The following ANXA10 variants were observed in gnomAD, a reference collection of about 807,000 sequenced individuals.
ANXA10 encodes the protein annexin A10.
A neutral mutation model predicts 53.5 loss-of-function variants in ANXA10; 49 were observed. The observed-to-expected ratio is 0.92, with a 90% CI of 0.73 to 1.16. The LOEUF is 1.16. ANXA10 is among the 50% of genes most tolerant of loss of function. ANXA10 has a pLI of 0.00. For missense variants in ANXA10, 393 were observed against 394.4 expected, an observed-to-expected ratio of 1.00 and a Z score of 0.03; for synonymous variants, 131 against 128.9, an observed-to-expected ratio of 1.02 and a Z score of -0.11.
chr4:168,185,313 A>G (rs1449665656), intron 11 of ANXA10, among the ~76,000 whole-genome samples: 1 of 152,252 alleles, frequency 6.6e-6, no homozygotes, highest in East Asian at 1.9e-4. Flanking sequence ...GATCAGGCTC[A>G]GGAAAAATAT....
chr4:168,109,110 T>A (rs1730761211), intron 1 of ANXA10, among the ~76,000 whole-genome samples: 1 of 152,220 alleles, frequency 6.6e-6, no homozygotes, highest in Non-Finnish European at 1.5e-5. Flanking sequence ...GGACCAATTT[T>A]AAAATCTTGT....
At chr4:168,163,323 A>C (rs1731817863) in intron 4 of ANXA10, among the ~76,000 whole-genome samples, 1 of 152,190 alleles carries the variant, frequency 6.6e-6, no homozygotes, top group Admixed American at 6.6e-5. Context: ...AGAACTGTTG[A>C]AATCATTCCA....
intron 3 of ANXA10, among the ~76,000 whole-genome samples, chr4:168,160,045 TA>T (rs1196012733): frequency 1.3e-5 from 2 of 152,162 alleles, no homozygotes; most frequent in Non-Finnish European, 2.9e-5. Flanking sequence ...AGTATATATA[TA>T]TTTTTTCCCT....
chr4:168,147,601 G>A (rs948285536), intron 3 of ANXA10, among the ~76,000 whole-genome samples: 5 of 152,136 alleles, frequency 3.3e-5, no homozygotes, highest in South Asian at 2.1e-4. Flanking sequence ...TACCAAGTAC[G>A]TTCAACAGTG....
At chr4:168,115,428 C>T (rs1041825239) in intron 1 of ANXA10, among the ~76,000 whole-genome samples, 4 of 151,758 alleles carry the variant, frequency 2.6e-5, no homozygotes, top group African/African-American at 7.3e-5. Context: ...ATTTCAGCAA[C>T]CCAGACAATG....
At chr4:168,131,727 T>C (rs919406978) in intron 2 of ANXA10, among the ~76,000 whole-genome samples, 13 of 152,050 alleles carry the variant, frequency 8.5e-5, no homozygotes, top group Non-Finnish European at 1.6e-4. Context: ...AACTGACCCC[T>C]TTAACATTTT....
At chr4:168,116,327 A>G (rs1019370216) in intron 1 of ANXA10, among the ~76,000 whole-genome samples, 3 of 152,230 alleles carry the variant, frequency 2.0e-5, no homozygotes, top group Non-Finnish European at 4.4e-5. Flanking sequence ...GACTGAGGCT[A>G]CAGATATGAC....
chr4:168,112,304 C>T (rs181269217), intron 1 of ANXA10, among the ~76,000 whole-genome samples: 3 of 151,642 alleles, frequency 2.0e-5, no homozygotes, highest in East Asian at 1.9e-4. Context: ...TCTGGGGTGG[C>T]GGGCTGGGGG....
At chr4:168,143,273 A>C (rs1383618118) in intron 3 of ANXA10, among the ~76,000 whole-genome samples, 1 of 152,218 alleles carries the variant, frequency 6.6e-6, no homozygotes, top group Non-Finnish European at 1.5e-5. Context: ...TGTGGTAAGA[A>C]TGTATACATT....
At chr4:168,095,665 A>G (rs1188184624) in intron 1 of ANXA10, among the ~76,000 whole-genome samples, 1 of 152,088 alleles carries the variant, frequency 6.6e-6, no homozygotes, top group Non-Finnish European at 1.5e-5. Flanking sequence ...TGTTTTATAC[A>G]TATTATTTTT....
chr4:168,176,928 A>G (rs2149480525), intron 6 of ANXA10, among the ~76,000 whole-genome samples: 1 of 152,254 alleles, frequency 6.6e-6, no homozygotes, highest in East Asian at 1.9e-4. Context: ...TGAGTCCAGG[A>G]GGTCAAGGTT....
At chr4:168,183,009 G>GAAAAAAAA (rs747151480) in intron 10 of ANXA10, among the ~76,000 whole-genome samples, 12 of 93,286 alleles carry the variant, frequency 1.3e-4, no homozygotes, top group Admixed American at 2.6e-4. Context: ...CACCGTCTCG[G>GAAAAAAAA]AAAAAAAAAA....
At chr4:168,103,330 C>G (rs568928512) in intron 1 of ANXA10, among the ~76,000 whole-genome samples, 1 of 151,996 alleles carries the variant, frequency 6.6e-6, no homozygotes, top group Non-Finnish European at 1.5e-5. Context: ...AATTTTGAAT[C>G]AATTTTTGTA....
rs969482636 is a variant in ANXA10, at chr4:168,093,557, TA to T, written c.18+846del. Among the ~76,000 whole-genome samples the T allele has an allele frequency of 6.6e-5, 10 of 152,178 alleles. No individual in the cohort carries two copies. In the South Asian group the frequency reaches 1.0e-3, roughly 16 times the overall value. ...GATGATTCTTTACAAATCTATACTATAAAAAAACTTTCAGGAGACTGAGGCA... is the reference window on the plus strand; with the variant it reads ...GATGATTCTTTACAAATCTATACTATAAAAAACTTTCAGGAGACTGAGGCA... On this transcript the variant is annotated intron_variant, in intron 1 of 11. Transcript: ENST00000359299.
At chr4:168,165,678 C>T (rs1298175502) in intron 6 of ANXA10, among the ~76,000 whole-genome samples, 1 of 149,206 alleles carries the variant, frequency 6.7e-6, no homozygotes. Flanking sequence ...TAATTTCTTT[C>T]TTTCTTTCTT....
chr4:168,138,934 C>T (rs947819767), intron 2 of ANXA10, among the ~76,000 whole-genome samples: 9 of 152,106 alleles, frequency 5.9e-5, no homozygotes, highest in African/African-American at 2.2e-4. Context: ...GATTTTCATA[C>T]GTTGCTTTTG....
At chr4:168,117,629 T>C (rs1456613842) in intron 1 of ANXA10, among the ~76,000 whole-genome samples, 1 of 152,226 alleles carries the variant, frequency 6.6e-6, no homozygotes, top group African/African-American at 2.4e-5. Context: ...ACCCATAGGC[T>C]AGTTGATATA....
intron 1 of ANXA10, among the ~76,000 whole-genome samples, chr4:168,126,867 G>C (rs1731078432): frequency 6.6e-6 from 1 of 152,068 alleles, no homozygotes; most frequent in Non-Finnish European, 1.5e-5. Context: ...ATTAATCAGT[G>C]AGGTAGAATC....
intron 3 of ANXA10, among the ~76,000 whole-genome samples, chr4:168,157,731 T>A (rs1578924972): frequency 6.6e-6 from 1 of 152,286 alleles, no homozygotes; most frequent in Middle Eastern, 3.4e-3. Flanking sequence ...TCATATGTGC[T>A]CTTTTATGTC....
Sources: allele counts gnomAD v4.1 joint callset (sites outside exome capture counted in the v4.1 genomes callset), GRCh38; gene constraint gnomAD v4.1.1; transcripts MANE v1.5; gene names NCBI Gene and HGNC (gene_info 2026-07-23, HGNC 2026-07-21).